DNMT3B: variants seen among roughly 807,000 people sequenced by gnomAD.
DNMT3B encodes the protein DNA (cytosine-5)-methyltransferase 3B.
In DNMT3B, 37 loss-of-function variants were observed where a neutral mutation model predicts 120.2. The ratio of observed to expected loss-of-function variants is 0.31; its 90% CI spans 0.24 to 0.40. The LOEUF (loss-of-function observed/expected upper bound fraction) is 0.40, where lower values mean the gene tolerates loss of function less well. DNMT3B is among the 10% of genes least tolerant of loss of function. DNMT3B has a pLI of 1.00. For missense variants in DNMT3B, 878 were observed against 1,137.3 expected (o/e 0.77, Z 3.28); for synonymous variants, 412 against 442.8 (o/e 0.93, Z 0.87).
chr20:32,771,780 A>G (rs761990132), intron 1 of DNMT3B, among the ~76,000 whole-genome samples: 2 of 152,152 alleles, frequency 1.3e-5, no homozygotes, highest in African/African-American at 2.4e-5. Flanking sequence ...ACGGGGAAAA[A>G]TATTAGGTCC....
At chr20:32,782,603 A>G (rs990013305) in intron 3 of DNMT3B, among the ~76,000 whole-genome samples, 1 of 152,216 alleles carries the variant, frequency 6.6e-6, no homozygotes, top group African/African-American at 2.4e-5. Flanking sequence ...ACAAGAAGAT[A>G]TTTTGAGAGA....
intron 5 of DNMT3B, 112 bp from the exon 6 acceptor site, chr20:32,787,118 A>G: frequency 1.5e-6 from 2 of 1,298,412 alleles, no homozygotes; most frequent in Non-Finnish European, 2.2e-6. Flanking sequence ...TGTTCTCTTT[A>G]ACTTCAGTCT....
intron 2 of DNMT3B, among the ~76,000 whole-genome samples, chr20:32,780,999 C>T (rs1287107375): frequency 6.6e-6 from 1 of 152,230 alleles, no homozygotes; most frequent in Non-Finnish European, 1.5e-5. Context: ...CCACACTCTA[C>T]ATGGGAGCAC....
chr20:32,762,652 G>T lies in DNMT3B; in HGVS notation c.-54G>T. 2 of 233,932 alleles carry T rather than the reference G, an allele frequency of 8.5e-6. No homozygotes were observed. Among genetic ancestry groups the T allele is most frequent in the South Asian group, 8.8e-5 (2 of 22,740 alleles). The allele number at this position is 233,932 out of a possible 1,614,324, so 14.5% of individuals were successfully genotyped here. On this transcript the variant is annotated 5_prime_UTR_variant, in exon 1 of 23. Coordinates refer to ENST00000328111, the MANE Select transcript of DNMT3B (RefSeq NM_006892.4). Reference sequence around the variant, plus strand: ...AGCCGGCCTCCCGCCAGCCAGCCCCGACCCGCGGCTCCGCCGCCCAGCCGC... The same window carrying T: ...AGCCGGCCTCCCGCCAGCCAGCCCCTACCCGCGGCTCCGCCGCCCAGCCGC...
In DNMT3B at chr20:32,796,879, CCTA is replaced by C. The variant is rs747881925; in HGVS notation, c.1377+16_1377+18del. ...CTGTCAGACATGCCGGGTAAGTCCT[CCTA>C]CTACTGCCCTGGACCTTCCTCCCCT... On this transcript the variant is annotated intron_variant, in intron 13 of 22. Coordinates refer to ENST00000328111, the MANE Select transcript of DNMT3B (RefSeq NM_006892.4). 130 of 1,614,056 alleles carry C rather than the reference CCTA, an allele frequency of 8.1e-5. No individual in the cohort carries two copies. In the East Asian group the frequency reaches 2.6e-3, roughly 32 times the overall value.
In DNMT3B at chr20:32,808,358, A is replaced by G; in HGVS notation, c.*455A>G. 6.9e-6 allele frequency: 2 copies of G among 290,918 alleles called. No homozygotes were observed. The highest frequency in any genetic ancestry group is 1.3e-5 in the Non-Finnish European group (2 of 153,124). 18.0% of individuals were successfully genotyped at this position (290,918 alleles called of 1,614,324 possible). A position where few individuals can be genotyped will look rare whatever the true frequency, so the allele number is the denominator to read the frequency against. On this transcript the variant is annotated 3_prime_UTR_variant, in exon 23 of 23. Coordinates refer to ENST00000328111, the MANE Select transcript of DNMT3B (RefSeq NM_006892.4). ...AAACTGGCTACTGCTCTGTGTTTAC[A>G]GACGTGTGCAGTTGTAGGCATGTAG...
At position 32,801,415 on chromosome 20, in the gene DNMT3B, C is replaced by T. The variant is rs1282923538; in HGVS notation, c.2134C>T (p.Arg712Trp). ...MKVGDKRDIS[R>W]FLECNPVMID... The stretch of plus-strand genomic sequence containing the variant: ...GGTTGGCGACAAGAGGGACATCTCA[C>T]GGTTCCTGGAGGTGAGGGAATCTGG... The change falls in exon 19 of 23, where the codon CGG becomes TGG. Residue 712 changes from arginine (R) to tryptophan (W), a missense_variant. Arg to Trp is a moderately radical substitution (Grantham distance 101). Around this residue, in one of 4 missense-constraint regions of DNMT3B, gnomAD observed 334 missense variants for 518.8 expected, o/e 0.64. Coordinates refer to ENST00000328111, the MANE Select transcript of DNMT3B (RefSeq NM_006892.4). The T allele has an allele frequency of 6.2e-7, 1 of 1,613,974 alleles. No homozygotes were observed. The highest frequency in any genetic ancestry group is 8.5e-7 in the Non-Finnish European group (1 of 1,180,010).
At chr20:32,769,643 C>A (rs1178143573) in intron 1 of DNMT3B, among the ~76,000 whole-genome samples, 1 of 152,092 alleles carries the variant, frequency 6.6e-6, no homozygotes, top group African/African-American at 2.4e-5. Context: ...ATATGCAGTT[C>A]CCTTATCTGC....
intron 21 of DNMT3B, 122 bp downstream of exon 21, chr20:32,805,529 G>A: frequency 9.3e-7 from 1 of 1,072,742 alleles, no homozygotes; most frequent in Non-Finnish European, 1.4e-6. Context: ...CTGGTGTTGG[G>A]CTTCCCTCTC....
In DNMT3B at chr20:32,780,404, C is replaced by T. The variant is rs201790923; in HGVS notation, c.81C>T (p.Cys27=). 6.8e-6 allele frequency: 11 copies of T among 1,613,784 alleles called. No homozygotes were observed. The South Asian group carries it at 1.1e-4, about 16-fold the overall frequency. ...ACTCGATCCTCGTCAACGGGGCCTG[C>T]AGCGACCAGTCCTCCGACTCGCCCC... ...REDSILVNGA[C]SDQSSDSPPI... The change falls in exon 2 of 23, where the codon TGC becomes TGT. Residue 27 remains cysteine (C), a synonymous_variant. Coordinates refer to ENST00000328111, the MANE Select transcript of DNMT3B (RefSeq NM_006892.4).
At position 32,787,222 on chromosome 20, in the gene DNMT3B, G is replaced by T; in HGVS notation, c.433-8G>T. On this transcript the variant is annotated splice_region_variant and splice_polypyrimidine_tract_variant and intron_variant, in intron 5 of 22. Coordinates refer to ENST00000328111, the MANE Select transcript of DNMT3B (RefSeq NM_006892.4). ...TCTGGCCCAAACTATGTGTCCTTCT[G>T]TCCACAGTCCCTGAGACGGCGGGCA... The T allele has an allele frequency of 3.7e-6, 6 of 1,614,210 alleles. No homozygotes were observed. Among genetic ancestry groups the T allele is most frequent in the Non-Finnish European group, 5.1e-6 (6 of 1,180,036 alleles).
chr20:32,779,854 A>T, intron 1 of DNMT3B: 1 of 577,736 alleles, frequency 1.7e-6, no homozygotes, highest in Non-Finnish European at 3.1e-6. Flanking sequence ...ATTGAGGGGA[A>T]GGGAGAGAGC....
At chr20:32,798,699 G>T in intron 15 of DNMT3B, 56 bp downstream of exon 15, 3 of 1,609,386 alleles carry the variant, frequency 1.9e-6, no homozygotes, top group Non-Finnish European at 2.5e-6. Flanking sequence ...CAGGGTGTTG[G>T]AAAGCTCTGG....
intron 1 of DNMT3B, among the ~76,000 whole-genome samples, chr20:32,771,596 A>G (rs1987745886): frequency 1.4e-5 from 2 of 141,910 alleles, no homozygotes; most frequent in Non-Finnish European, 3.0e-5. Flanking sequence ...AGATCATGCC[A>G]TTGCACTCCA....
intron 1 of DNMT3B, chr20:32,779,762 T>G: frequency 3.3e-6 from 1 of 300,754 alleles, no homozygotes; most frequent in Non-Finnish European, 5.7e-6. Context: ...GAGGATGGGG[T>G]GAGGCGGGGC....
Position 32,795,714 on chromosome 20 carries a change from A to G in DNMT3B, c.1297+20A>G. Reference sequence around the variant, plus strand: ...TGGAAGGTAACGTTCTCTCCCTCCCAGTCATCCCCCTCACACCCTGGCTAG... The same window carrying G: ...TGGAAGGTAACGTTCTCTCCCTCCCGGTCATCCCCCTCACACCCTGGCTAG... On this transcript the variant is annotated intron_variant, in intron 12 of 22. Transcript: ENST00000328111. 6.2e-7 allele frequency: 1 copy of G among 1,613,940 alleles called. No individual in the cohort carries two copies. Among genetic ancestry groups the G allele is most frequent in the East Asian group, 2.2e-5 (1 of 44,882 alleles).
At chr20:32,776,154 G>C (rs556190106) in intron 1 of DNMT3B, among the ~76,000 whole-genome samples, 3 of 151,968 alleles carry the variant, frequency 2.0e-5, no homozygotes, top group African/African-American at 7.3e-5. Context: ...GCTTGAACCC[G>C]GGAGGTGGAG....
intron 19 of DNMT3B, among the ~76,000 whole-genome samples, chr20:32,801,786 T>C (rs923510584): frequency 7.2e-5 from 11 of 152,154 alleles, no homozygotes; most frequent in African/African-American, 2.7e-4. Context: ...GGTCTTGGTA[T>C]GTTGCACACC....
At chr20:32,800,641 T>C (rs1259231623) in intron 17 of DNMT3B, among the ~76,000 whole-genome samples, 194 bp from the exon 18 acceptor site, 1 of 152,156 alleles carries the variant, frequency 6.6e-6, no homozygotes, top group South Asian at 2.1e-4. Flanking sequence ...ATATTTCTAG[T>C]AGAGTTGGGG....
Sources: allele counts gnomAD v4.1 joint callset (sites outside exome capture counted in the v4.1 genomes callset), GRCh38; gene constraint gnomAD v4.1.1; regional missense constraint gnomAD v4.1.1; transcripts MANE v1.5; gene names NCBI Gene and HGNC (gene_info 2026-07-23, HGNC 2026-07-21).